ROBO2: variants seen among roughly 807,000 people sequenced by gnomAD.
ROBO2 encodes roundabout homolog 2.
A neutral mutation model predicts 160.8 loss-of-function variants in ROBO2; 53 were observed. The observed-to-expected ratio is 0.33, with a 90% CI of 0.26 to 0.41. The LOEUF is 0.41. ROBO2 is among the 10% of genes least tolerant of loss of function. The pLI, the probability that ROBO2 is intolerant of heterozygous loss-of-function variation, is 1.00. For missense variants in ROBO2, 1,577 were observed against 1,722.4 expected (o/e 0.92, Z 1.49); for synonymous variants, 664 against 611.7 (o/e 1.09, Z -1.26).
In ROBO2 at chr3:75,937,448, T is replaced by G. The variant is rs772921439; in HGVS notation, c.-13-33T>G. On this transcript the variant is annotated intron_variant, in intron 1 of 26. Transcript: ENST00000487694. ...ATATTTCTCTAAGAATGTAATTTAT[T>G]GTACTTTCACATCCACCCCACTCAA... 42 of 1,206,470 alleles carry G rather than the reference T, an allele frequency of 3.5e-5. No individual in the cohort carries two copies. The African/African-American group carries it at 6.3e-4, about 18-fold the overall frequency. 74.7% of individuals were successfully genotyped at this position (1,206,470 alleles called of 1,614,324 possible). A position where few individuals can be genotyped will look rare whatever the true frequency, so the allele number is the denominator to read the frequency against.
At chr3:76,771,233 A>G (rs998694304) in intron 2 of ROBO2, among the ~76,000 whole-genome samples, 7 of 151,240 alleles carry the variant, frequency 4.6e-5, no homozygotes, top group African/African-American at 1.5e-4. Flanking sequence ...AGTACAAAAC[A>G]TGCCACCGAT....
At chr3:77,519,885 A>T (rs1024528826) in intron 5 of ROBO2, among the ~76,000 whole-genome samples, 3 of 151,440 alleles carry the variant, frequency 2.0e-5, no homozygotes, top group African/African-American at 7.3e-5. Flanking sequence ...GAACTAATTT[A>T]TGTTCTCACC....
chr3:76,353,589 A>T (rs775483640), intron 2 of ROBO2, among the ~76,000 whole-genome samples: 16 of 151,854 alleles, frequency 1.1e-4, no homozygotes, highest in Non-Finnish European at 2.1e-4. Flanking sequence ...GCAGACATCA[A>T]TAGGTGTTAG....
chr3:77,064,841 A>G (rs1221587961), intron 1 of ROBO2, among the ~76,000 whole-genome samples: 1 of 152,170 alleles, frequency 6.6e-6, no homozygotes, highest in Non-Finnish European at 1.5e-5. Flanking sequence ...CTATGACAAG[A>G]TATTTGTAAT....
rs538071616 is a variant in ROBO2 at position 77,367,650 on chromosome 3, A to G, written c.389-109764A>G. 2.6e-5 allele frequency among the ~76,000 whole-genome samples: 4 copies of G among 152,294 alleles called. No homozygotes were observed. The East Asian group carries it at 7.7e-4, about 29-fold the overall frequency. ...CAACCTTTAAGAGCAGGCAACAGTA[A>G]TTTTCCGTGGTTCTGTGGGACACCT... On this transcript the variant is annotated intron_variant, in intron 2 of 25. Transcript: ENST00000461745.
At chr3:76,037,490 C>T (rs867218271) in intron 2 of ROBO2, among the ~76,000 whole-genome samples, 4 of 151,810 alleles carry the variant, frequency 2.6e-5, no homozygotes, top group South Asian at 2.1e-4. Context: ...CTCCTGACCT[C>T]GTGATCTGCC....
intron 2 of ROBO2, among the ~76,000 whole-genome samples, chr3:76,761,856 GGTT>G (rs1310814585): frequency 6.6e-6 from 1 of 151,626 alleles, no homozygotes; most frequent in African/African-American, 2.4e-5. Flanking sequence ...AGGATAGAAA[GGTT>G]TTTTGAAAAT....
chr3:76,683,099 T>C (rs1295150374), intron 2 of ROBO2, among the ~76,000 whole-genome samples: 6 of 151,958 alleles, frequency 3.9e-5, no homozygotes, highest in Non-Finnish European at 5.9e-5. Flanking sequence ...AAGAAATAGG[T>C]TAGGTCTCAT....
At chr3:77,644,580 T>G in intron 24 of ROBO2, 124 bp from the exon 27 acceptor site, 1 of 879,030 alleles carries the variant, frequency 1.1e-6, no homozygotes, top group Non-Finnish European at 1.8e-6. Flanking sequence ...AACTTCATAA[T>G]TTTAATTTTA....
intron 2 of ROBO2, among the ~76,000 whole-genome samples, chr3:76,997,549 A>G (rs1343874285): frequency 6.6e-6 from 1 of 152,190 alleles, no homozygotes; most frequent in Non-Finnish European, 1.5e-5. Context: ...AATGGTTTTC[A>G]AAGATTAGAG....
At chr3:76,602,036 C>G (rs1156446427) in intron 2 of ROBO2, among the ~76,000 whole-genome samples, 1 of 152,158 alleles carries the variant, frequency 6.6e-6, no homozygotes, top group African/African-American at 2.4e-5. Context: ...AAAATGCCAC[C>G]AGTCTCTTTG....
intron 2 of ROBO2, among the ~76,000 whole-genome samples, chr3:77,435,620 T>C (rs1266032703): frequency 6.6e-6 from 1 of 151,842 alleles, no homozygotes; most frequent in East Asian, 1.9e-4. Flanking sequence ...TTTAGCACTA[T>C]TGATCCGCTA....
At chr3:76,659,154 C>T (rs1415200641) in intron 2 of ROBO2, among the ~76,000 whole-genome samples, 2 of 151,706 alleles carry the variant, frequency 1.3e-5, no homozygotes, top group African/African-American at 4.8e-5. Context: ...CTGAAGTGCA[C>T]AGGAATAATC....
chr3:76,665,990 TATATATA>T (rs1330155556), intron 2 of ROBO2, among the ~76,000 whole-genome samples: 26 of 120,804 alleles, frequency 2.2e-4, no homozygotes, highest in East Asian at 1.2e-3. Flanking sequence ...ATACATGTAA[TATATATA>T]ATATATAATA....
rs1560026405 is a variant in ROBO2 at position 77,108,300 on chromosome 3, ATATATATATATGTATACACATATG to A, written c.388+9961_388+9984del. Among the ~76,000 whole-genome samples the A allele has an allele frequency of 7.5e-4, 79 of 105,480 alleles. 1 individual carries two copies. The highest frequency in any genetic ancestry group is 2.4e-3 in the African/African-American group (74 of 31,226). 69.2% of individuals were successfully genotyped at this position (105,480 alleles called of 152,430 possible). On this transcript the variant is annotated intron_variant, in intron 2 of 25. Transcript: ENST00000461745. Reference sequence around the variant, plus strand: ...TATATATATATGTATACACATATGCATATATATATATGTATACACATATGCATATATATATATGTATATATGATG... The same window carrying A: ...TATATATATATGTATACACATATGCACATATATATATATGTATATATGATG...
chr3:76,688,067 T>A (rs752863787), intron 2 of ROBO2, among the ~76,000 whole-genome samples: 95 of 152,202 alleles, frequency 6.2e-4, no homozygotes, highest in Non-Finnish European at 7.2e-4. Flanking sequence ...AAAGAAATTA[T>A]AGGAGAATCA....
chr3:75,957,040 G>A lies in ROBO2; in HGVS notation c.109+19438G>A, dbSNP rs182273635. Among the ~76,000 whole-genome samples, 32 of 151,708 alleles carry A rather than the reference G, an allele frequency of 2.1e-4. No individual in the cohort carries two copies. In the East Asian group the frequency reaches 6.0e-3, roughly 29 times the overall value. On this transcript the variant is annotated intron_variant, in intron 2 of 26. Coordinates refer to the ROBO2 transcript ENST00000487694. ...ATTTAATTATAATATGAAGCTTTGA[G>A]TTTCTGTTTCATTATTAATTTATTT...
intron 2 of ROBO2, among the ~76,000 whole-genome samples, chr3:77,106,344 C>T (rs948886982): frequency 6.6e-6 from 1 of 152,108 alleles, no homozygotes; most frequent in African/African-American, 2.4e-5. Flanking sequence ...TGCCCGGCCT[C>T]TTACTATAAA....
chr3:77,420,568 T>A (rs539244057), intron 2 of ROBO2, among the ~76,000 whole-genome samples: 9 of 152,282 alleles, frequency 5.9e-5, no homozygotes, highest in Admixed American at 5.9e-4. Context: ...GAAAGCCACC[T>A]GCTCCTCTAA....
Sources: allele counts gnomAD v4.1 joint callset (sites outside exome capture counted in the v4.1 genomes callset), GRCh38; gene constraint gnomAD v4.1.1; transcripts MANE v1.5; gene names NCBI Gene and HGNC (gene_info 2026-07-23, HGNC 2026-07-21).